Variants in NRG1 observed in about 807,000 individuals in gnomAD.
NRG1 encodes the protein neuregulin 1.
A neutral mutation model predicts 63.8 loss-of-function variants in NRG1; 18 were observed. The observed-to-expected ratio is 0.28, with a 90% CI of 0.19 to 0.42. The LOEUF is 0.42. Ranked by LOEUF, NRG1 falls within the 10% of genes least tolerant of loss-of-function variation. NRG1 has a pLI of 1.00. For missense variants in NRG1, 762 were observed against 814.7 expected (o/e 0.94, Z 0.79); for synonymous variants, 302 against 301.3 (o/e 1.00, Z -0.02).
chr8:31,821,251 G>T (rs1237538751), intron 1 of NRG1, among the ~76,000 whole-genome samples: 2 of 152,168 alleles, frequency 1.3e-5, no homozygotes, highest in East Asian at 3.8e-4. Flanking sequence ...CTGTATTTAA[G>T]TTCCTCATTC....
chr8:32,458,535 A>C (rs1255294566), intron 1 of NRG1, among the ~76,000 whole-genome samples: 1 of 152,138 alleles, frequency 6.6e-6, no homozygotes, highest in African/African-American at 2.4e-5. Context: ...AGTCTACCAC[A>C]ACAAATATAT....
At chr8:32,509,972 A>G (rs1588043632) in intron 1 of NRG1, among the ~76,000 whole-genome samples, 1 of 152,050 alleles carries the variant, frequency 6.6e-6, no homozygotes, top group East Asian at 1.9e-4. Flanking sequence ...GTGAAAATCT[A>G]GTTTTTGGAA....
chr8:32,520,072 T>C (rs1830186774), intron 1 of NRG1, among the ~76,000 whole-genome samples: 1 of 152,180 alleles, frequency 6.6e-6, no homozygotes, highest in Non-Finnish European at 1.5e-5. Flanking sequence ...TAATTGCATA[T>C]GTGTATACTT....
At chr8:32,006,072 T>G (rs1422509514) in intron 1 of NRG1, among the ~76,000 whole-genome samples, 1 of 152,012 alleles carries the variant, frequency 6.6e-6, no homozygotes, top group Non-Finnish European at 1.5e-5. Flanking sequence ...TTCGAGGCAT[T>G]ATTCAATAAC....
At chr8:32,418,846 T>G (rs1032080542) in intron 1 of NRG1, among the ~76,000 whole-genome samples, 22 of 152,340 alleles carry the variant, frequency 1.4e-4, no homozygotes, top group African/African-American at 5.0e-4. Flanking sequence ...TAAGATGTTT[T>G]TATACTACCT....
rs185551429 is a variant in NRG1 at position 32,594,748 on chromosome 8, G to A, written c.101-1080G>A. 8.8e-3 allele frequency among the ~76,000 whole-genome samples: 1,333 copies of A among 152,216 alleles called. 4 individuals carry two copies. Among genetic ancestry groups the A allele is most frequent in the Middle Eastern group, 0.037 (11 of 294 alleles). On this transcript the variant is annotated intron_variant, in intron 1 of 11. Transcript: ENST00000356819. Reference sequence around the variant, plus strand: ...TTCTCCAAGCTAATGCATAATTTAAGTACTCACAGTCTCTGTTGAGACTAT... The same window carrying A: ...TTCTCCAAGCTAATGCATAATTTAAATACTCACAGTCTCTGTTGAGACTAT...
chr8:32,249,498 G>A (rs903783749), intron 1 of NRG1, among the ~76,000 whole-genome samples: 5 of 152,096 alleles, frequency 3.3e-5, no homozygotes, highest in African/African-American at 1.2e-4. Context: ...GAAAAGCGTA[G>A]CAAACCAAAT....
At position 32,760,989 on chromosome 8, in the gene NRG1, G is replaced by A. The variant is rs976854507; in HGVS notation, c.1259+583G>A. ...TGAATAAATAAATCTCTTGGATGCT[G>A]CGTCTGGCAGTCTTCACGGGTGGTT... On this transcript the variant is annotated intron_variant, in intron 11 of 11. Transcript: ENST00000356819. The A allele has an allele frequency of 6.1e-6, 6 of 985,904 alleles. No homozygotes were observed. The African/African-American group carries it at 1.0e-4, about 17-fold the overall frequency. The allele number at this position is 985,904 out of a possible 1,614,324, so 61.1% of individuals were successfully genotyped here.
chr8:31,943,239 T>C (rs190576009), intron 1 of NRG1, among the ~76,000 whole-genome samples: 35 of 152,154 alleles, frequency 2.3e-4, no homozygotes, highest in African/African-American at 8.4e-4. Context: ...TGTAGCAACC[T>C]GGATGGAATT....
chr8:32,265,425 C>A (rs2129471972), intron 1 of NRG1, among the ~76,000 whole-genome samples: 1 of 152,182 alleles, frequency 6.6e-6, no homozygotes, highest in African/African-American at 2.4e-5. Context: ...TTTCATAACT[C>A]CAGTGACCTT....
chr8:32,429,124 A>AG (rs1474115793), intron 1 of NRG1, among the ~76,000 whole-genome samples: 1 of 152,050 alleles, frequency 6.6e-6, no homozygotes, highest in Non-Finnish European at 1.5e-5. Flanking sequence ...GAAATGAAGT[A>AG]CGGTTTTTTT....
rs145467551 is a variant in NRG1, at chr8:32,190,914, C to A, written c.38-404914C>A. On this transcript the variant is annotated intron_variant, in intron 1 of 10. Coordinates refer to the NRG1 transcript ENST00000519301. ...GGGGAGAGTTGAGTTTAGGGTACCC[C>A]CAAATTTTATAATAGGCAGTACTTT... is the stretch of plus-strand genomic sequence containing the variant. Among the ~76,000 whole-genome samples, 5 of 152,180 alleles carry A rather than the reference C, an allele frequency of 3.3e-5. No homozygotes were observed. The East Asian group carries it at 9.7e-4, about 30-fold the overall frequency.
intron 1 of NRG1, among the ~76,000 whole-genome samples, chr8:31,650,368 C>T (rs1231427281): frequency 6.6e-6 from 1 of 152,148 alleles, no homozygotes; most frequent in Non-Finnish European, 1.5e-5. Flanking sequence ...ATTCAATATC[C>T]TCCTTAGCCT....
intron 1 of NRG1, among the ~76,000 whole-genome samples, chr8:31,661,439 C>A (rs777980311): frequency 1.3e-5 from 2 of 152,130 alleles, no homozygotes; most frequent in Non-Finnish European, 2.9e-5. Context: ...TTCTGTAGAT[C>A]CTGATTAAGG....
At chr8:32,318,956 A>G (rs1586802143) in intron 1 of NRG1, among the ~76,000 whole-genome samples, 1 of 152,240 alleles carries the variant, frequency 6.6e-6, no homozygotes, top group Admixed American at 6.5e-5. Flanking sequence ...GATTAATGGG[A>G]TTGTGTAACA....
In NRG1 at chr8:32,533,485, T is replaced by C. The variant is rs181714495; in HGVS notation, c.38-62343T>C. Among the ~76,000 whole-genome samples the C allele has an allele frequency of 7.2e-3, 1,091 of 152,218 alleles. 16 individuals carry two copies. Among genetic ancestry groups the C allele is most frequent in the African/African-American group, 0.025 (1,032 of 41,568 alleles). ...AATAATTACCTCAACTATATGTTAT[T>C]TTCTTCCTTTAAATAATCACAGAAC... On this transcript the variant is annotated intron_variant, in intron 1 of 10. Coordinates refer to the NRG1 transcript ENST00000519301.
chr8:31,813,516 C>CTTTTTTTTTTTTTTTTTTTTT (rs377718067), intron 1 of NRG1, among the ~76,000 whole-genome samples: 7 of 101,214 alleles, frequency 6.9e-5, no homozygotes, highest in Non-Finnish European at 9.8e-5. Flanking sequence ...CTTTTCTTTT[C>CTTTTTTTTTTTTTTTTTTTTT]TTTTTTTTTT....
chr8:31,721,688 C>G (rs1022352315), intron 1 of NRG1, among the ~76,000 whole-genome samples: 3 of 152,094 alleles, frequency 2.0e-5, no homozygotes, highest in African/African-American at 7.2e-5. Flanking sequence ...CTTCCTTCTT[C>G]TTACTTTTGC....
intron 1 of NRG1, among the ~76,000 whole-genome samples, chr8:31,707,584 T>C (rs1198053848): frequency 6.6e-6 from 1 of 152,164 alleles, no homozygotes; most frequent in Non-Finnish European, 1.5e-5. Flanking sequence ...TTGCTGTCTT[T>C]ATGATCTCGA....
Sources: gnomAD v4.1 joint callset for allele counts (sites outside exome capture counted in the v4.1 genomes callset) on GRCh38, gnomAD v4.1.1 for gene constraint, MANE v1.5 for transcripts, NCBI Gene and HGNC (gene_info 2026-07-23, HGNC 2026-07-21) for gene names.